CELF2: variants seen among roughly 807,000 people sequenced by gnomAD.
CELF2 encodes the protein CUGBP Elav-like family member 2, also known as CUG triplet repeat RNA-binding protein 2.
In CELF2, 8 loss-of-function variants were observed where a neutral mutation model predicts 62.6. The observed-to-expected ratio is 0.13, with a 90% CI of 0.07 to 0.23. The LOEUF is 0.23. Ranked by LOEUF, CELF2 falls within the 10% of genes least tolerant of loss-of-function variation. The pLI, the probability that CELF2 is intolerant of heterozygous loss-of-function variation, is 1.00. For synonymous variants in CELF2, 258 were observed against 250.0 expected (o/e 1.03, Z -0.30); for missense variants, 333 against 671.0 (o/e 0.50, Z 5.56).
chr10:10,681,910 T>C, the CELF2 span, among the ~76,000 whole-genome samples: 1 of 152,192 alleles, frequency 6.6e-6, no homozygotes, highest in Non-Finnish European at 1.5e-5. Context: ...AAAGCTTACG[T>C]GTAGTAAATG....
chr10:10,611,778 G>C, the CELF2 span, among the ~76,000 whole-genome samples: 2 of 152,142 alleles, frequency 1.3e-5, no homozygotes, highest in Non-Finnish European at 2.9e-5. Context: ...ATAGATACAG[G>C]TATAGATATT....
At chr10:11,245,382 T>G (rs2137097046) in intron 3 of CELF2, among the ~76,000 whole-genome samples, 1 of 152,356 alleles carries the variant, frequency 6.6e-6, no homozygotes, top group Non-Finnish European at 1.5e-5. Flanking sequence ...TGAGCCATTA[T>G]TAATACAGTC....
chr10:10,879,043 T>A (rs1425992354), intron 1 of CELF2, among the ~76,000 whole-genome samples: 4 of 152,236 alleles, frequency 2.6e-5, no homozygotes, highest in Non-Finnish European at 5.9e-5. Context: ...GGCCATTAAT[T>A]ACCTGTCGCT....
intron 2 of CELF2, among the ~76,000 whole-genome samples, chr10:10,979,202 A>C (rs1318733516): frequency 6.6e-6 from 1 of 152,208 alleles, no homozygotes; most frequent in African/African-American, 2.4e-5. Context: ...TTTATGTATC[A>C]GGAGCGGTAA....
chr10:10,661,286 G>A, the CELF2 span, among the ~76,000 whole-genome samples: 1 of 151,964 alleles, frequency 6.6e-6, no homozygotes, highest in African/African-American at 2.4e-5. Context: ...TTTTGCATCT[G>A]GTCTCTCTCA....
the CELF2 span, among the ~76,000 whole-genome samples, chr10:10,635,798 C>T: frequency 6.6e-6 from 1 of 152,246 alleles, no homozygotes; most frequent in South Asian, 2.1e-4. Flanking sequence ...TTCAAATTCT[C>T]TCCAAAACGA....
intron 1 of CELF2, among the ~76,000 whole-genome samples, chr10:10,869,220 G>T (rs2060572411): frequency 6.6e-6 from 1 of 152,092 alleles, no homozygotes; most frequent in Admixed American, 6.6e-5. Flanking sequence ...TCACGTATTT[G>T]ATTTCTATTA....
At chr10:11,254,879 C>A (rs941012891) in intron 4 of CELF2, among the ~76,000 whole-genome samples, 1 of 151,278 alleles carries the variant, frequency 6.6e-6, no homozygotes, top group African/African-American at 2.4e-5. Flanking sequence ...TTTTCTACCC[C>A]CTTTCCATCC....
the CELF2 span, among the ~76,000 whole-genome samples, chr10:10,614,344 C>G: frequency 1.3e-5 from 2 of 152,090 alleles, no homozygotes; most frequent in African/African-American, 4.8e-5. Flanking sequence ...CCACTCCTAC[C>G]TCATTTTCCT....
intron 1 of CELF2, among the ~76,000 whole-genome samples, chr10:10,903,888 T>C (rs1364696572): frequency 6.6e-6 from 1 of 152,182 alleles, no homozygotes. Flanking sequence ...CCCCAGGTCA[T>C]GCATGCCTGC....
At chr10:11,294,638 C>T (rs894872596) in intron 9 of CELF2, among the ~76,000 whole-genome samples, 4 of 152,210 alleles carry the variant, frequency 2.6e-5, no homozygotes, top group African/African-American at 7.2e-5. Flanking sequence ...CACGGCCAGG[C>T]GCAGTGGCTC....
At chr10:10,999,021 T>C (rs890926154) in intron 2 of CELF2, among the ~76,000 whole-genome samples, 4 of 152,186 alleles carry the variant, frequency 2.6e-5, no homozygotes, top group Non-Finnish European at 5.9e-5. Flanking sequence ...GCTTTAAAAT[T>C]CAAAAACAAT....
At chr10:10,492,462 A>AATAT in the CELF2 span, among the ~76,000 whole-genome samples, 13 of 151,856 alleles carry the variant, frequency 8.6e-5, no homozygotes, top group East Asian at 5.8e-4. Context: ...AAGTATAATA[A>AATAT]ATATATATAT....
At chr10:11,209,156 A>T (rs1352334006) in intron 2 of CELF2, among the ~76,000 whole-genome samples, 1 of 152,152 alleles carries the variant, frequency 6.6e-6, no homozygotes, top group Non-Finnish European at 1.5e-5. Flanking sequence ...TGCGTTCAGC[A>T]TCAAACACAG....
rs1038490077 is a variant in CELF2 at position 11,227,600 on chromosome 10, T to G, written c.354+10093T>G. ...CTAGCCATCACATTGTGGTTTTTGC[T>G]GTTATCTGCTGTTAGATTCGGCCGG... On this transcript the variant is annotated intron_variant, in intron 3 of 12. Coordinates refer to ENST00000633077, the MANE Select transcript of CELF2 (RefSeq NM_001326342.2). The surrounding 1 kb of genome is among the most constrained non-coding windows in gnomAD (Gnocchi z 4.8). Among the ~76,000 whole-genome samples, 1 of 152,238 alleles carries G rather than the reference T, an allele frequency of 6.6e-6. No homozygotes were observed. Among genetic ancestry groups the G allele is most frequent in the African/African-American group, 2.4e-5 (1 of 41,454 alleles).
At chr10:10,619,489 C>T in the CELF2 span, among the ~76,000 whole-genome samples, 1 of 152,194 alleles carries the variant, frequency 6.6e-6, no homozygotes, top group Non-Finnish European at 1.5e-5. Context: ...CTTTAGTCCA[C>T]AGGTTTGTTG....
chr10:10,790,783 T>C, the CELF2 span, among the ~76,000 whole-genome samples: 1 of 152,176 alleles, frequency 6.6e-6, no homozygotes, highest in East Asian at 1.9e-4. Flanking sequence ...ACAGTGTTCA[T>C]TCAATCATCC....
At chr10:11,047,770 G>T (rs910493782) in intron 1 of CELF2, among the ~76,000 whole-genome samples, 2 of 152,052 alleles carry the variant, frequency 1.3e-5, no homozygotes, top group Non-Finnish European at 2.9e-5. Flanking sequence ...ACTGATTTCA[G>T]GCTAAATTTT....
At chr10:10,642,083 A>G in the CELF2 span, among the ~76,000 whole-genome samples, 2 of 152,224 alleles carry the variant, frequency 1.3e-5, no homozygotes, top group Non-Finnish European at 2.9e-5. Flanking sequence ...CATTCAAAAA[A>G]CAAGGCCATC....
Sources: gnomAD v4.1 joint callset for allele counts (sites outside exome capture counted in the v4.1 genomes callset) on GRCh38, gnomAD v4.1.1 for gene constraint, Gnocchi (gnomAD v3.1) non-coding constraint, MANE v1.5 for transcripts, NCBI Gene and HGNC (gene_info 2026-07-23, HGNC 2026-07-21) for gene names.